Variants in ITGBL1 observed in about 807,000 individuals in gnomAD.
ITGBL1 encodes integrin beta-like protein 1.
ITGBL1 carries 51 observed loss-of-function variants against 68.5 expected under a neutral mutation model. That is an observed-to-expected ratio of 0.74 (90% confidence interval 0.59 to 0.94). The LOEUF (loss-of-function observed/expected upper bound fraction) is 0.94. Ranked by LOEUF, ITGBL1 falls within the 40% of genes least tolerant of loss-of-function variation. ITGBL1 has a pLI of 0.00. For synonymous variants in ITGBL1, 209 were observed against 227.3 expected (o/e 0.92, Z 0.72); for missense variants, 649 against 647.4 (o/e 1.00, Z -0.03).
chr13:101,716,209 G>T lies in ITGBL1; in HGVS notation c.*555G>T, dbSNP rs1223393449. On this transcript the variant is annotated 3_prime_UTR_variant, in exon 11 of 11. Transcript: ENST00000376180. ...ATCGATCAGATTTTTCCAGAATTCC[G>T]TATCAGTCACCATTTTAATATGGGG... The T allele has an allele frequency of 6.6e-6, 1 of 152,156 alleles. No individual in the cohort carries two copies. The highest frequency in any genetic ancestry group is 1.5e-5 in the Non-Finnish European group (1 of 68,062). 9.4% of individuals were successfully genotyped at this position (152,156 alleles called of 1,614,324 possible).
At chr13:101,617,887 C>T (rs1330387607) in intron 7 of ITGBL1, among the ~76,000 whole-genome samples, 1 of 152,150 alleles carries the variant, frequency 6.6e-6, no homozygotes, top group African/African-American at 2.4e-5. Context: ...ATTAATGGAT[C>T]ATGAAGCAGT....
intron 2 of ITGBL1, among the ~76,000 whole-genome samples, chr13:101,462,083 G>T (rs998389985): frequency 1.3e-5 from 2 of 152,096 alleles, no homozygotes; most frequent in African/African-American, 2.4e-5. Flanking sequence ...GGTCCCTCTT[G>T]TCTTCTAGAA....
chr13:101,561,057 A>G (rs139818291), intron 2 of ITGBL1, among the ~76,000 whole-genome samples: 1 of 152,310 alleles, frequency 6.6e-6, no homozygotes, highest in East Asian at 1.9e-4. Context: ...ATCTGGAGAT[A>G]GATAGGCAGA....
intron 2 of ITGBL1, among the ~76,000 whole-genome samples, chr13:101,477,052 C>T (rs373542761): frequency 3.9e-5 from 6 of 152,220 alleles, no homozygotes; most frequent in Admixed American, 2.6e-4. Context: ...TGCTTCTCCT[C>T]TGCACATGGA....
chr13:101,672,734 A>T (rs988501272), intron 7 of ITGBL1, among the ~76,000 whole-genome samples: 1 of 152,196 alleles, frequency 6.6e-6, no homozygotes. Flanking sequence ...GGCAAGAGAC[A>T]GACAGAGACG....
intron 7 of ITGBL1, among the ~76,000 whole-genome samples, chr13:101,605,285 C>A (rs1040605579): frequency 6.9e-6 from 1 of 144,026 alleles, no homozygotes; most frequent in Non-Finnish European, 1.5e-5. Flanking sequence ...TGTGTATATG[C>A]GTATATATAC....
chr13:101,541,585 G>A (rs568434984), intron 2 of ITGBL1, among the ~76,000 whole-genome samples: 155 of 152,290 alleles, frequency 1.0e-3, no homozygotes, highest in African/African-American at 3.6e-3. Context: ...AGTTAGGGAG[G>A]ATTCCCTCTT....
chr13:101,468,968 G>A (rs902078516), intron 2 of ITGBL1, among the ~76,000 whole-genome samples: 1 of 152,192 alleles, frequency 6.6e-6, no homozygotes, highest in Non-Finnish European at 1.5e-5. Flanking sequence ...AAAAGTGAAA[G>A]AAAAGGTAGG....
intron 2 of ITGBL1, among the ~76,000 whole-genome samples, chr13:101,484,603 T>C (rs1382424553): frequency 1.3e-5 from 2 of 152,156 alleles, no homozygotes; most frequent in African/African-American, 2.4e-5. Context: ...TTTATTTGTA[T>C]AAATTTTAGG....
downstream of ITGBL1, chr13:101,716,886 T>G (rs537235037): frequency 6.6e-6 from 1 of 152,136 alleles, no homozygotes; most frequent in Admixed American, 6.5e-5. Flanking sequence ...ATGGTGAAAC[T>G]TTGCTTTGTA....
intron 7 of ITGBL1, among the ~76,000 whole-genome samples, chr13:101,638,464 G>A (rs75715570): frequency 0.013 from 1,995 of 152,012 alleles, 27 homozygotes; most frequent in African/African-American, 0.033. Flanking sequence ...GTATTAGCCC[G>A]TTTTCATGCT....
chr13:101,637,627 G>A (rs2032220708), intron 7 of ITGBL1, among the ~76,000 whole-genome samples: 1 of 152,176 alleles, frequency 6.6e-6, no homozygotes, highest in South Asian at 2.1e-4. Context: ...ACAGGCGTGA[G>A]CCACCATGCA....
chr13:101,561,133 G>A (rs920912472), intron 2 of ITGBL1, among the ~76,000 whole-genome samples: 5 of 152,146 alleles, frequency 3.3e-5, no homozygotes, highest in African/African-American at 1.2e-4. Context: ...AAGGGTGGTG[G>A]GAAAGTTGGT....
chr13:101,526,739 G>A (rs1203118040), intron 2 of ITGBL1, among the ~76,000 whole-genome samples: 1 of 144,968 alleles, frequency 6.9e-6, no homozygotes, highest in Admixed American at 6.8e-5. Flanking sequence ...ACACTAGTTA[G>A]CATTTTTCTA....
chr13:101,689,211 T>TAAAAAAAAAAAAAAAAAAAAAGAAAAAA (rs2033825744), intron 7 of ITGBL1, among the ~76,000 whole-genome samples: 1 of 74,868 alleles, frequency 1.3e-5, no homozygotes, highest in Non-Finnish European at 2.6e-5. Flanking sequence ...AGACTCTGCC[T>TAAAAAAAAAAAAAAAAAAAAAGAAAAAA]AAAAAAAAAA....
intron 8 of ITGBL1, among the ~76,000 whole-genome samples, chr13:101,693,676 CTGTGT>C (rs2033936063): frequency 6.9e-6 from 1 of 145,496 alleles, no homozygotes; most frequent in Non-Finnish European, 1.5e-5. Flanking sequence ...CATCTATTAT[CTGTGT>C]ATCTATTATC....
At position 101,714,473 on chromosome 13, in the gene ITGBL1, G is replaced by A. The variant is rs779105162; in HGVS notation, c.1315G>A (p.Glu439Lys). ...TTGTGGGAAGTGCATTTGTTCTGCT[G>A]AAGAGTGGTATATTTCTGGGGAGTT... ...CHCGKCICSA[E>K]EWYISGEFCD... is the part of the protein sequence containing the mutation. The change falls in exon 10 of 11, where the codon GAA (glutamate) becomes AAA (lysine). Residue 439 changes from glutamate (E) to lysine (K), a missense_variant. By Grantham distance (56) the Glu-to-Lys change is moderately conservative. Coordinates refer to ENST00000376180, the MANE Select transcript of ITGBL1 (RefSeq NM_004791.3). 3 of 1,612,248 alleles carry A rather than the reference G, an allele frequency of 1.9e-6. No homozygotes were observed. Among genetic ancestry groups the A allele is most frequent in the East Asian group, 4.5e-5 (2 of 44,846 alleles).
chr13:101,523,366 G>T (rs1414026633), intron 2 of ITGBL1, among the ~76,000 whole-genome samples: 1 of 152,158 alleles, frequency 6.6e-6, no homozygotes, highest in Non-Finnish European at 1.5e-5. Context: ...CCGCCTCCAA[G>T]TTGGATTAGA....
Position 101,629,422 on chromosome 13 carries a change from T to A in ITGBL1, c.1015+31123T>A, listed in dbSNP as rs568375063. On this transcript the variant is annotated intron_variant, in intron 7 of 10. Coordinates refer to ENST00000376180, the MANE Select transcript of ITGBL1 (RefSeq NM_004791.3). ...ATAAAATACACTGCATACAGTTTAA[T>A]GCCCAATCCTTTGAAAATAAATATA... Among the ~76,000 whole-genome samples the A allele has an allele frequency of 1.1e-4, 16 of 152,154 alleles. No individual in the cohort carries two copies. The South Asian group carries it at 1.4e-3, about 14-fold the overall frequency.
Sources: allele counts gnomAD v4.1 joint callset (sites outside exome capture counted in the v4.1 genomes callset), GRCh38; gene constraint gnomAD v4.1.1; transcripts MANE v1.5; gene names NCBI Gene and HGNC (gene_info 2026-07-23, HGNC 2026-07-21).